GSPT1: variants seen among roughly 807,000 people sequenced by gnomAD.
The protein encoded by GSPT1 is G1 to S phase transition 1, also known as eukaryotic peptide chain release factor GTP-binding subunit ERF3A.
A neutral mutation model predicts 72.5 loss-of-function variants in GSPT1; 20 were observed. The ratio of observed to expected loss-of-function variants is 0.28; its 90% confidence interval spans 0.19 to 0.40. The LOEUF (loss-of-function observed/expected upper bound fraction) is 0.40. Among genes scored for constraint, GSPT1 ranks in the 10% least tolerant of loss-of-function variants. The probability of loss-of-function intolerance (pLI) is 1.00; values close to 1 mark genes in which losing one functional copy is unlikely to be tolerated. For synonymous variants in GSPT1, 334 were observed against 293.5 expected (o/e 1.14, Z -1.41); for missense variants, 580 against 811.9 (o/e 0.71, Z 3.47).
chr16:11,875,660 T>C, intron 14 of GSPT1, 101 bp downstream of exon 14: 1 of 794,904 alleles, frequency 1.3e-6, no homozygotes, highest in South Asian at 2.1e-5. Context: ...AATCGAAGTT[T>C]TCTGTGAACC....
At chr16:11,894,098 G>C (rs888294211) in intron 5 of GSPT1, among the ~76,000 whole-genome samples, 1 of 136,890 alleles carries the variant, frequency 7.3e-6, no homozygotes, top group Non-Finnish European at 1.5e-5. Context: ...CGAGGCTGCA[G>C]TGAGCCAAAA....
At position 11,889,329 on chromosome 16, in the gene GSPT1, C is replaced by CTTTT. The variant is rs902991145; in HGVS notation, c.777-1583_777-1580dup. ...GCCCGGCACCCCCACCCCTCTTCTTCTTTTTTTTTTTTTTTTTTTTTTTTT... is the reference window on the plus strand; with the variant it reads ...GCCCGGCACCCCCACCCCTCTTCTTCTTTTTTTTTTTTTTTTTTTTTTTTTTTTT... On this transcript the variant is annotated intron_variant, in intron 6 of 14. Coordinates refer to ENST00000434724, the MANE Select transcript of GSPT1 (RefSeq NM_002094.4). Among the ~76,000 whole-genome samples, 399 of 60,078 alleles carry CTTTT rather than the reference C, an allele frequency of 6.6e-3. 37 individuals are homozygous for CTTTT. The highest frequency in any genetic ancestry group is 0.012 in the African/African-American group (163 of 13,344). 39.4% of individuals were successfully genotyped at this position (60,078 alleles called of 152,430 possible). A position where few individuals can be genotyped will look rare whatever the true frequency, so the allele number is the denominator to read the frequency against.
At chr16:11,907,060 G>T (rs536032092) in intron 1 of GSPT1, among the ~76,000 whole-genome samples, 2 of 152,194 alleles carry the variant, frequency 1.3e-5, no homozygotes, top group Non-Finnish European at 2.9e-5. Flanking sequence ...AGACAGTGGT[G>T]AACAGAGCTG....
At chr16:11,883,911 CAA>C (rs567658399) in intron 10 of GSPT1, among the ~76,000 whole-genome samples, 14 of 92,006 alleles carry the variant, frequency 1.5e-4, no homozygotes, top group East Asian at 3.0e-4. Flanking sequence ...GACTCCATCT[CAA>C]AAAAAAAAAA....
chr16:11,887,073 C>G, intron 7 of GSPT1, 142 bp from the exon 8 acceptor site: 1 of 612,146 alleles, frequency 1.6e-6, no homozygotes, highest in Non-Finnish European at 2.8e-6. Flanking sequence ...TATGACGTAC[C>G]TGCTTTTGAA....
intron 1 of GSPT1, among the ~76,000 whole-genome samples, chr16:11,904,500 C>T (rs2054463922): frequency 6.6e-6 from 1 of 152,036 alleles, no homozygotes; most frequent in African/African-American, 2.4e-5. Flanking sequence ...CTGCGCCCAG[C>T]CAGTTTTATG....
chr16:11,902,687 A>C (rs931265749), intron 1 of GSPT1, among the ~76,000 whole-genome samples: 1 of 151,528 alleles, frequency 6.6e-6, no homozygotes, highest in Non-Finnish European at 1.5e-5. Flanking sequence ...TCCTGGGTTC[A>C]AGCGATTCTC....
At position 11,887,554 on chromosome 16, in the gene GSPT1, G is replaced by GA; in HGVS notation, c.957+15dup. On this transcript the variant is annotated intron_variant, in intron 7 of 14. Transcript: ENST00000434724. Reference sequence around the variant, plus strand: ...TACTAACAAATATACAGATGGACTGGAAATGTCTTTCTTACCAGCACAGCC... The same window carrying GA: ...TACTAACAAATATACAGATGGACTGGAAAATGTCTTTCTTACCAGCACAGCC... 3.1e-6 allele frequency: 5 copies of GA among 1,606,300 alleles called. No individual in the cohort carries two copies. Among genetic ancestry groups the GA allele is most frequent in the Non-Finnish European group, 4.3e-6 (5 of 1,173,514 alleles).
Position 11,868,325 on chromosome 16 carries a change from A to T in GSPT1, c.*4794T>A, listed in dbSNP as rs1357281430. The T allele has an allele frequency of 2.6e-5, 4 of 151,644 alleles. No homozygotes were observed. The highest frequency in any genetic ancestry group is 1.3e-4 in the Admixed American group (2 of 15,176). 9.4% of individuals were successfully genotyped at this position (151,644 alleles called of 1,614,324 possible). ...TCCATGCTTTGGAATTAGGCTAAAA[A>T]ACTCAACAAACCTGATCAGTTCCCT... On this transcript the variant is annotated 3_prime_UTR_variant, in exon 15 of 15. Coordinates refer to ENST00000434724, the MANE Select transcript of GSPT1 (RefSeq NM_002094.4).
rs1181188173 is a variant in GSPT1 at position 11,885,237 on chromosome 16, T to G, written c.1291A>C (p.Asn431His). The G allele has an allele frequency of 1.3e-6, 2 of 1,595,104 alleles. No homozygotes were observed. Among genetic ancestry groups the G allele is most frequent in the Non-Finnish European group, 1.7e-6 (2 of 1,162,948 alleles). Residue 431 changes from asparagine to histidine, a missense_variant, in exon 10 of 15, where the codon AAC (asparagine) becomes CAC (histidine). Asn to His is a moderately conservative substitution (Grantham distance 68, BLOSUM62 1). This residue lies in a region of GSPT1 where 45 missense variants were observed against 43.0 expected (regional missense o/e 1.05). Transcript: ENST00000434724. ...GGTCCATCAACTGATCTATTGAAGT[T>G]CGGCAAATTATCCAGATATGGAATA... ...PFIPYLDNLP[N>H]FNRSVDGPIR...
intron 1 of GSPT1, among the ~76,000 whole-genome samples, chr16:11,907,400 G>A (rs747494544): frequency 1.3e-5 from 2 of 152,130 alleles, no homozygotes; most frequent in African/African-American, 2.4e-5. Context: ...CTGTAAAATG[G>A]GTCAACAGTA....
chr16:11,886,480 G>A lies in GSPT1; in HGVS notation c.1244C>T (p.Pro415Leu), dbSNP rs1311128201. 1 of 1,611,368 alleles carries A rather than the reference G, an allele frequency of 6.2e-7. No individual in the cohort carries two copies. Among genetic ancestry groups the A allele is most frequent in the Admixed American group, 1.7e-5 (1 of 59,716 alleles). Residue 415 changes from proline to leucine, a missense_variant, in exon 9 of 15, where the codon CCT (proline) becomes CTT (leucine). Coordinates refer to ENST00000434724, the MANE Select transcript of GSPT1 (RefSeq NM_002094.4). ...ANLKEQSDFC[P>L]WYIGLPFIPY... ...AAAAACAGTTACTTACATGTACCAA[G>A]GACAGAAATCCGACTGCTCTTTGAG...
In GSPT1 at chr16:11,869,289, CACTT is replaced by C. The variant is rs761517393; in HGVS notation, c.*3826_*3829del. Reference sequence around the variant, plus strand: ...TAAGTCTTTTGTGCATGTGCAATTACACTTACTTAACAAGATGCTGCCATGGCGA... The same window carrying C: ...TAAGTCTTTTGTGCATGTGCAATTACACTTAACAAGATGCTGCCATGGCGA... On this transcript the variant is annotated 3_prime_UTR_variant, in exon 15 of 15. Transcript: ENST00000434724. The C allele has an allele frequency of 2.0e-5, 3 of 152,338 alleles. No individual in the cohort carries two copies. The highest frequency in any genetic ancestry group is 6.5e-5 in the Admixed American group (1 of 15,308). 9.4% of individuals were successfully genotyped at this position (152,338 alleles called of 1,614,324 possible).
chr16:11,906,146 A>G (rs2150887648), intron 1 of GSPT1, among the ~76,000 whole-genome samples: 1 of 152,012 alleles, frequency 6.6e-6, no homozygotes, highest in South Asian at 2.1e-4. Flanking sequence ...CAGTGGCACA[A>G]TCTGGGCTCA....
At chr16:11,874,228 C>CATTGA (rs1394504073) in intron 14 of GSPT1, among the ~76,000 whole-genome samples, 1 of 151,858 alleles carries the variant, frequency 6.6e-6, no homozygotes. Flanking sequence ...TACTAAAATT[C>CATTGA]ATTGAATTAC....
intron 12 of GSPT1, among the ~76,000 whole-genome samples, chr16:11,876,490 G>A (rs911426305): frequency 1.3e-5 from 2 of 152,266 alleles, no homozygotes; most frequent in Admixed American, 6.5e-5. Flanking sequence ...AGCACTTTGG[G>A]AGGCCGAGGC....
intron 14 of GSPT1, among the ~76,000 whole-genome samples, chr16:11,875,412 A>T (rs2054036110): frequency 6.6e-6 from 1 of 151,982 alleles, no homozygotes; most frequent in South Asian, 2.1e-4. Flanking sequence ...CTGAAAAATT[A>T]GGTGTAAAAA....
rs1449819343 is a variant in GSPT1 at position 11,873,089 on chromosome 16, C to G, written c.*30G>C. 2.8e-6 allele frequency: 4 copies of G among 1,406,680 alleles called. No homozygotes were observed. In the East Asian group the frequency reaches 9.1e-5, roughly 32 times the overall value. The allele number at this position is 1,406,680 out of a possible 1,614,324, so 87.1% of individuals were successfully genotyped here. On this transcript the variant is annotated 3_prime_UTR_variant, in exon 15 of 15. Coordinates refer to ENST00000434724, the MANE Select transcript of GSPT1 (RefSeq NM_002094.4). ...AGGCTTCTGCAGTCAATTTTCCTCACAGTATTGTGCAGGGTCATCAAGAAA... is the reference window on the plus strand; with the variant it reads ...AGGCTTCTGCAGTCAATTTTCCTCAGAGTATTGTGCAGGGTCATCAAGAAA...
intron 1 of GSPT1, among the ~76,000 whole-genome samples, chr16:11,912,440 A>C (rs1451609259): frequency 1.3e-5 from 2 of 152,170 alleles, no homozygotes; most frequent in African/African-American, 4.8e-5. Flanking sequence ...GTTTCTCTTT[A>C]AAATTCAAGT....
Sources: gnomAD v4.1 joint callset for allele counts (sites outside exome capture counted in the v4.1 genomes callset) on GRCh38, gnomAD v4.1.1 for gene constraint, gnomAD v4.1.1 regional missense constraint, MANE v1.5 for transcripts, NCBI Gene and HGNC (gene_info 2026-07-23, HGNC 2026-07-21) for gene names.